The following GAS2L3 variants were observed in gnomAD, a reference collection of about 807,000 sequenced individuals.
GAS2L3 encodes growth arrest specific 2 like 3, also known as GAS2-like protein 3.
Under a neutral mutation model 37.0 loss-of-function variants are expected in GAS2L3, and 28 were observed. The observed-to-expected ratio is 0.76, with a 90% CI of 0.56 to 1.04. The LOEUF is 1.04. Among genes scored for constraint, GAS2L3 ranks in the 50% least tolerant of loss-of-function variants. The pLI is 0.00. For synonymous variants in GAS2L3, 290 were observed against 296.6 expected (o/e 0.98, Z 0.23); for missense variants, 793 against 817.6 (o/e 0.97, Z 0.37).
intron 8 of GAS2L3, among the ~76,000 whole-genome samples, chr12:100,620,344 A>T (rs1266585982): frequency 1.3e-5 from 2 of 152,064 alleles, no homozygotes; most frequent in Non-Finnish European, 2.9e-5. Context: ...AATGAAAATA[A>T]TAGTAATATA....
chr12:100,623,642 C>T lies in GAS2L3; in HGVS notation c.837C>T (p.Pro279=), dbSNP rs748629260. 9 of 1,613,660 alleles carry T rather than the reference C, an allele frequency of 5.6e-6. No individual in the cohort carries two copies. Among genetic ancestry groups the T allele is most frequent in the Non-Finnish European group, 7.6e-6 (9 of 1,179,770 alleles). The part of the protein sequence containing the change: ...TLQGFLLKYD[P]CRILQFATLE... ...AAGGATTTTTGCTTAAATATGACCC[C>T]TGTCGAATATTACAGTTTGCCACAT... The change falls in exon 10 of 10, where the codon CCC becomes CCT. Residue 279 remains proline (P), a synonymous_variant. Coordinates refer to ENST00000547754, the MANE Select transcript of GAS2L3 (RefSeq NM_174942.3).
intron 5 of GAS2L3, among the ~76,000 whole-genome samples, chr12:100,611,487 G>A (rs1956126256): frequency 6.6e-6 from 1 of 152,092 alleles, no homozygotes; most frequent in Non-Finnish European, 1.5e-5. Flanking sequence ...ATCATTTTCT[G>A]GAATATACTT....
chr12:100,606,920 C>T (rs1015804655), intron 5 of GAS2L3, among the ~76,000 whole-genome samples: 4 of 152,038 alleles, frequency 2.6e-5, no homozygotes, highest in African/African-American at 7.2e-5. Flanking sequence ...ACCATAATTA[C>T]AGTGTTATAG....
intron 6 of GAS2L3, chr12:100,612,437 A>T (rs1956138237): frequency 4.1e-6 from 1 of 245,632 alleles, no homozygotes; most frequent in Admixed American, 5.9e-5. Context: ...TTTCATTAAG[A>T]ATTACTCCAC....
Position 100,624,906 on chromosome 12 carries a change from A to G in GAS2L3, c.*16A>G, listed in dbSNP as rs556806695. On this transcript the variant is annotated 3_prime_UTR_variant, in exon 10 of 10. Coordinates refer to ENST00000547754, the MANE Select transcript of GAS2L3 (RefSeq NM_174942.3). ...TAGAAAATAAATACATACTCATTATAAAAAAAGAGAAAAGGAAGAATGAAT... is the reference window on the plus strand; with the variant it reads ...TAGAAAATAAATACATACTCATTATGAAAAAAGAGAAAAGGAAGAATGAAT... 2 of 1,493,678 alleles carry G rather than the reference A, an allele frequency of 1.3e-6. No individual in the cohort carries two copies. Among genetic ancestry groups the G allele is most frequent in the African/African-American group, 1.4e-5 (1 of 70,864 alleles). 92.5% of individuals were successfully genotyped at this position (1,493,678 alleles called of 1,614,324 possible). A position where few individuals can be genotyped will look rare whatever the true frequency, so the allele number is the denominator to read the frequency against.
At chr12:100,604,464 A>T (rs1429114753) in intron 5 of GAS2L3, among the ~76,000 whole-genome samples, 1 of 136,220 alleles carries the variant, frequency 7.3e-6, no homozygotes, top group African/African-American at 2.8e-5. Flanking sequence ...TTTGTTTATC[A>T]GCTGTAGTTG....
rs543702192 is a variant in GAS2L3 at position 100,617,520 on chromosome 12, G to C, written c.446-224G>C. Among the ~76,000 whole-genome samples the C allele has an allele frequency of 9.5e-4, 144 of 152,092 alleles. 1 individual carries two copies. The Middle Eastern group carries it at 0.014, about 14-fold the overall frequency. On this transcript the variant is annotated intron_variant, in intron 6 of 9. Coordinates refer to ENST00000547754, the MANE Select transcript of GAS2L3 (RefSeq NM_174942.3). ...AGACTTCAAATGCTGTGCAAATAAAGGTCCATGGTAATTTTTCATTCTGTT... is the reference window on the plus strand; with the variant it reads ...AGACTTCAAATGCTGTGCAAATAAACGTCCATGGTAATTTTTCATTCTGTT...
At chr12:100,583,304 A>G (rs1158583122) in intron 1 of GAS2L3, among the ~76,000 whole-genome samples, 1 of 152,210 alleles carries the variant, frequency 6.6e-6, no homozygotes, top group Non-Finnish European at 1.5e-5. Flanking sequence ...GAGGATTAGG[A>G]TGTAGACAAC....
At chr12:100,607,405 T>C (rs1956070862) in intron 5 of GAS2L3, among the ~76,000 whole-genome samples, 1 of 152,156 alleles carries the variant, frequency 6.6e-6, no homozygotes, top group South Asian at 2.1e-4. Context: ...GGTAGTGTTC[T>C]TTGGGTTAAA....
At position 100,624,851 on chromosome 12, in the gene GAS2L3, T is replaced by C; in HGVS notation, c.2046T>C (p.His682=). Residue 682 remains histidine, a synonymous_variant, in exon 10 of 10, where the codon CAT becomes CAC. Coordinates refer to ENST00000547754, the MANE Select transcript of GAS2L3 (RefSeq NM_174942.3). The part of the protein sequence containing the change: ...PTAKKKEDDD[H]YFVMTGSKKP... ...CAAAGAAAAAGGAAGATGATGACCA[T>C]TATTTTGTCATGACTGGAAGTAAGA... The C allele has an allele frequency of 1.9e-6, 3 of 1,604,752 alleles. No individual in the cohort carries two copies. Among genetic ancestry groups the C allele is most frequent in the East Asian group, 2.2e-5 (1 of 44,816 alleles).
At chr12:100,608,419 C>G (rs1185432573) in intron 5 of GAS2L3, among the ~76,000 whole-genome samples, 1 of 152,178 alleles carries the variant, frequency 6.6e-6, no homozygotes, top group Non-Finnish European at 1.5e-5. Flanking sequence ...CTCTAGGGCT[C>G]TATTATCAGC....
intron 1 of GAS2L3, among the ~76,000 whole-genome samples, chr12:100,589,593 C>A (rs549895173): frequency 1.3e-5 from 2 of 152,072 alleles, no homozygotes; most frequent in Admixed American, 1.3e-4. Context: ...CATATGGAAC[C>A]AAAAAAGAGC....
intron 5 of GAS2L3, among the ~76,000 whole-genome samples, chr12:100,606,501 T>C (rs374822396): frequency 6.6e-6 from 1 of 152,158 alleles, no homozygotes; most frequent in African/African-American, 2.4e-5. Context: ...AGTGTTATAA[T>C]TGATAAATAA....
chr12:100,585,995 C>T (rs546397267), intron 1 of GAS2L3, among the ~76,000 whole-genome samples: 9 of 152,252 alleles, frequency 5.9e-5, no homozygotes, highest in African/African-American at 1.7e-4. Context: ...CTCTGTTAAA[C>T]GCATCACTGT....
chr12:100,580,439 G>T (rs923559521), intron 1 of GAS2L3, among the ~76,000 whole-genome samples: 5 of 152,096 alleles, frequency 3.3e-5, no homozygotes, highest in African/African-American at 4.8e-5. Context: ...AACCATTCAG[G>T]TATTAAATTT....
chr12:100,597,064 G>A (rs1242033523), intron 3 of GAS2L3, among the ~76,000 whole-genome samples: 3 of 151,712 alleles, frequency 2.0e-5, no homozygotes, highest in South Asian at 4.2e-4. Flanking sequence ...AATCCAACAT[G>A]TACTCTTCTC....
At chr12:100,587,097 A>G (rs1242796942) in intron 1 of GAS2L3, among the ~76,000 whole-genome samples, 2 of 152,188 alleles carry the variant, frequency 1.3e-5, no homozygotes, top group Non-Finnish European at 2.9e-5. Context: ...AATTACCAAC[A>G]AAAAAGAAGT....
intron 2 of GAS2L3, 74 bp downstream of exon 2, chr12:100,591,930 A>G (rs1593167250): frequency 2.6e-5 from 4 of 152,152 alleles, no homozygotes; most frequent in Admixed American, 2.0e-4. Flanking sequence ...TATTTTCTTT[A>G]TTAGGCAGTT....
chr12:100,593,214 A>G (rs1343819811), intron 2 of GAS2L3, among the ~76,000 whole-genome samples: 2 of 152,140 alleles, frequency 1.3e-5, no homozygotes, highest in Non-Finnish European at 2.9e-5. Flanking sequence ...AATCTCATCA[A>G]TGAAAAGCAC....
Sources: allele counts gnomAD v4.1 joint callset (sites outside exome capture counted in the v4.1 genomes callset), GRCh38; gene constraint gnomAD v4.1.1; transcripts MANE v1.5; gene names NCBI Gene and HGNC (gene_info 2026-07-23, HGNC 2026-07-21).